The following CERS3 variants were observed in gnomAD, a reference collection of about 807,000 sequenced individuals.
The protein encoded by CERS3 is ceramide synthase 3.
Under a neutral mutation model 50.3 loss-of-function variants are expected in CERS3, and 33 were observed. The observed-to-expected ratio is 0.66, with a 90% CI of 0.50 to 0.88. The LOEUF (loss-of-function observed/expected upper bound fraction) is 0.88. CERS3 is among the 40% of genes least tolerant of loss of function. The pLI is 0.00. For missense variants in CERS3, 470 were observed against 460.3 expected, an observed-to-expected ratio of 1.02 and a Z score of -0.19; for synonymous variants, 176 against 155.2, an observed-to-expected ratio of 1.13 and a Z score of -0.99.
At chr15:100,483,421 T>C (rs1162485576) in intron 5 of CERS3, among the ~76,000 whole-genome samples, 11 of 152,206 alleles carry the variant, frequency 7.2e-5, no homozygotes. Context: ...ACAGAAAAGA[T>C]ACTAACCTGT....
chr15:100,491,305 C>G (rs1450101081), intron 3 of CERS3, among the ~76,000 whole-genome samples: 1 of 152,114 alleles, frequency 6.6e-6, no homozygotes, highest in Admixed American at 6.5e-5. Flanking sequence ...AAAGAAATTA[C>G]TACATTCCCA....
chr15:100,425,428 A>T (rs1319916553), intron 11 of CERS3, among the ~76,000 whole-genome samples: 1 of 152,198 alleles, frequency 6.6e-6, no homozygotes, highest in Admixed American at 6.5e-5. Context: ...TGTCGTCTGA[A>T]TGTGAGACAT....
intron 11 of CERS3, among the ~76,000 whole-genome samples, chr15:100,411,320 C>T (rs2031473892): frequency 1.3e-5 from 2 of 152,116 alleles, no homozygotes; most frequent in African/African-American, 4.8e-5. Context: ...CACCACCATG[C>T]CCGGCTAATT....
intron 11 of CERS3, among the ~76,000 whole-genome samples, chr15:100,415,234 C>T (rs2031810215): frequency 6.6e-6 from 1 of 152,160 alleles, no homozygotes; most frequent in African/African-American, 2.4e-5. Context: ...TACCATCTCA[C>T]ACCAGTCAGA....
intron 11 of CERS3, among the ~76,000 whole-genome samples, chr15:100,436,470 C>T (rs117932679): frequency 0.033 from 4,968 of 152,096 alleles, 94 homozygotes; most frequent in Non-Finnish European, 0.051. Context: ...CGAGGCCTAT[C>T]GGGGCTGGGG....
chr15:100,505,557 G>T (rs959275815), intron 2 of CERS3, among the ~76,000 whole-genome samples: 7 of 152,166 alleles, frequency 4.6e-5, no homozygotes, highest in Admixed American at 2.0e-4. Flanking sequence ...AATTATTGCA[G>T]CTTCAGAAGT....
In CERS3 at chr15:100,467,870, G is replaced by T. The variant is rs371437840; in HGVS notation, c.845+1508C>A. Among the ~76,000 whole-genome samples, 5 of 41,074 alleles carry T rather than the reference G, an allele frequency of 1.2e-4. 1 individual carries two copies. The highest frequency in any genetic ancestry group is 3.5e-4 in the Non-Finnish European group (5 of 14,154). The allele number at this position is 41,074 out of a possible 152,430, so 26.9% of individuals were successfully genotyped here. A position where few individuals can be genotyped will look rare whatever the true frequency, so the allele number is the denominator to read the frequency against. ...ATATATATAGATAGATAGATAGATA[G>T]ATAGATAGATATAGATATAGATATA... is the stretch of plus-strand genomic sequence containing the variant. On this transcript the variant is annotated intron_variant, in intron 10 of 11. Transcript: ENST00000679737.
At chr15:100,519,744 C>T (rs1244432562) in intron 2 of CERS3, among the ~76,000 whole-genome samples, 3 of 152,182 alleles carry the variant, frequency 2.0e-5, no homozygotes, top group Admixed American at 6.5e-5. Context: ...GCTGCTAGGT[C>T]GATGTTTATG....
chr15:100,429,421 T>A (rs2032999172), intron 11 of CERS3, among the ~76,000 whole-genome samples: 1 of 152,142 alleles, frequency 6.6e-6, no homozygotes, highest in Non-Finnish European at 1.5e-5. Context: ...AAGGGACCTT[T>A]AAGTGTCTTC....
chr15:100,517,541 C>G (rs1473498705), intron 2 of CERS3, among the ~76,000 whole-genome samples: 3 of 152,144 alleles, frequency 2.0e-5, no homozygotes, highest in Non-Finnish European at 4.4e-5. Context: ...AGAGTAGGAC[C>G]TTGATCAAGA....
At chr15:100,460,535 C>T (rs1204341044) in intron 10 of CERS3, among the ~76,000 whole-genome samples, 2 of 152,192 alleles carry the variant, frequency 1.3e-5, no homozygotes, top group African/African-American at 4.8e-5. Flanking sequence ...CTAGAATGTA[C>T]TTTCTCTTTT....
chr15:100,410,531 C>A (rs1024794703), intron 11 of CERS3, among the ~76,000 whole-genome samples: 1 of 152,170 alleles, frequency 6.6e-6, no homozygotes, highest in African/African-American at 2.4e-5. Flanking sequence ...AGGGTGTGTT[C>A]TAGGAGCAGA....
In CERS3 at chr15:100,446,540, A is replaced by T. The variant is rs2033952999; in HGVS notation, c.999+9353T>A. Among the ~76,000 whole-genome samples the T allele has an allele frequency of 2.0e-5, 3 of 152,178 alleles. No individual in the cohort carries two copies. The South Asian group carries it at 6.2e-4, about 32-fold the overall frequency. On this transcript the variant is annotated intron_variant, in intron 11 of 11. Transcript: ENST00000679737. Reference sequence around the variant, plus strand: ...GCACATTTACTAAAGTTGGAAAACTAATTAATCAAAGAGTTGATTAAAAAC... The same window carrying T: ...GCACATTTACTAAAGTTGGAAAACTTATTAATCAAAGAGTTGATTAAAAAC...
At chr15:100,432,810 C>T (rs1003940601) in intron 11 of CERS3, among the ~76,000 whole-genome samples, 10 of 152,248 alleles carry the variant, frequency 6.6e-5, no homozygotes, top group South Asian at 2.1e-4. Context: ...AACAGAGTCA[C>T]GGAAGAGGTG....
chr15:100,457,052 T>C (rs2034397902), intron 10 of CERS3, among the ~76,000 whole-genome samples: 1 of 152,174 alleles, frequency 6.6e-6, no homozygotes, highest in Non-Finnish European at 1.5e-5. Context: ...TGTTTGTAAG[T>C]ATATTAGTTA....
intron 2 of CERS3, 65 bp from the exon 3 acceptor site, chr15:100,501,915 C>A: frequency 6.5e-7 from 1 of 1,532,612 alleles, no homozygotes; most frequent in South Asian, 1.2e-5. Context: ...TAACATTGAT[C>A]ACCTTGGCTC....
chr15:100,405,836 A>G (rs2030982775), intron 11 of CERS3, among the ~76,000 whole-genome samples: 1 of 152,258 alleles, frequency 6.6e-6, no homozygotes. Flanking sequence ...AATTTTAAAA[A>G]TAAAACTTAT....
chr15:100,464,968 T>C (rs2411373), intron 10 of CERS3, among the ~76,000 whole-genome samples: 76,466 of 151,666 alleles, frequency 0.5, 19,767 homozygotes, highest in Middle Eastern at 0.57. Context: ...GGGAGACTCG[T>C]TAGGAGAGTA....
At chr15:100,526,206 C>T (rs1400346812) in intron 1 of CERS3, among the ~76,000 whole-genome samples, 1 of 152,080 alleles carries the variant, frequency 6.6e-6, no homozygotes, top group Non-Finnish European at 1.5e-5. Context: ...TCGTTTTTGT[C>T]CCAAATCCAT....
Sources: allele counts gnomAD v4.1 joint callset (sites outside exome capture counted in the v4.1 genomes callset), GRCh38; gene constraint gnomAD v4.1.1; transcripts MANE v1.5; gene names NCBI Gene and HGNC (gene_info 2026-07-23, HGNC 2026-07-21).